NRXN3: variants seen among roughly 807,000 people sequenced by gnomAD.
NRXN3 encodes neurexin 3.
Under a neutral mutation model 137.6 loss-of-function variants are expected in NRXN3, and 32 were observed. The ratio of observed to expected loss-of-function variants is 0.23; its 90% CI spans 0.18 to 0.31. The LOEUF (loss-of-function observed/expected upper bound fraction) is 0.31, where lower values mean the gene tolerates loss of function less well. NRXN3 is among the 10% of genes least tolerant of loss of function. The pLI, the probability that NRXN3 is intolerant of heterozygous loss-of-function variation, is 1.00. For synonymous variants in NRXN3, 798 were observed against 784.5 expected (o/e 1.02, Z -0.29); for missense variants, 1,574 against 2,062.5 (o/e 0.76, Z 4.59).
chr14:78,603,385 G>C (rs114288629), intron 4 of NRXN3, among the ~76,000 whole-genome samples: 1,560 of 152,270 alleles, frequency 0.01, 32 homozygotes, highest in African/African-American at 0.036. Context: ...AGCAGCTGTG[G>C]GGTTCCCAGC....
chr14:79,554,682 G>T (rs2097410776), intron 16 of NRXN3, among the ~76,000 whole-genome samples: 2 of 152,204 alleles, frequency 1.3e-5, no homozygotes, highest in Middle Eastern at 3.4e-3. Context: ...AGTCACACAG[G>T]GTCCCTTGAT....
At chr14:78,514,826 G>A (rs2096176726) in intron 4 of NRXN3, among the ~76,000 whole-genome samples, 1 of 152,124 alleles carries the variant, frequency 6.6e-6, no homozygotes, top group South Asian at 2.1e-4. Context: ...ACTTGGGTTG[G>A]GTGATATTTA....
intron 4 of NRXN3, among the ~76,000 whole-genome samples, chr14:78,440,972 G>C (rs1318220248): frequency 1.4e-4 from 21 of 152,166 alleles, no homozygotes; most frequent in Non-Finnish European, 1.5e-5. Flanking sequence ...GAATGGGCTG[G>C]GGTTGCTTTG....
intron 10 of NRXN3, 29 bp downstream of exon 10, chr14:78,810,373 T>TC (rs765702251): frequency 8.2e-7 from 1 of 1,220,342 alleles, no homozygotes; most frequent in Non-Finnish European, 1.1e-6. Context: ...TTCATTTTGT[T>TC]CTTTAAAAAA....
intron 15 of NRXN3, among the ~76,000 whole-genome samples, chr14:79,387,936 C>A: frequency 8.3e-6 from 1 of 120,860 alleles, no homozygotes; most frequent in Non-Finnish European, 1.6e-5. Context: ...GGGAACATCA[C>A]ACACTGGGGC....
intron 15 of NRXN3, among the ~76,000 whole-genome samples, chr14:79,156,264 G>A (rs1394928764): frequency 6.6e-6 from 1 of 151,856 alleles, no homozygotes; most frequent in Non-Finnish European, 1.5e-5. Context: ...AGTTTGCTGT[G>A]ATCACACAGC....
intron 19 of NRXN3, among the ~76,000 whole-genome samples, chr14:79,795,779 A>G (rs972984513): frequency 2.0e-5 from 3 of 152,076 alleles, no homozygotes; most frequent in Non-Finnish European, 4.4e-5. Context: ...GTTGTATTTT[A>G]TATTCACTTC....
At chr14:78,871,398 G>T (rs546635880) in intron 10 of NRXN3, among the ~76,000 whole-genome samples, 35 of 152,104 alleles carry the variant, frequency 2.3e-4, no homozygotes, top group African/African-American at 8.2e-4. Flanking sequence ...AAGCCAGATT[G>T]TCATCTTTTC....
intron 1 of NRXN3, among the ~76,000 whole-genome samples, chr14:78,219,628 C>T (rs2153422933): frequency 6.6e-6 from 1 of 152,286 alleles, no homozygotes; most frequent in East Asian, 1.9e-4. Context: ...TGGATTTATG[C>T]AAGGATAAGA....
intron 4 of NRXN3, among the ~76,000 whole-genome samples, chr14:78,334,700 C>G (rs533409732): frequency 4.6e-5 from 7 of 151,986 alleles, no homozygotes; most frequent in Non-Finnish European, 7.4e-5. Context: ...GTTTACGTAC[C>G]ACAGTCTGAA....
At chr14:79,083,672 T>C (rs898057872) in intron 15 of NRXN3, among the ~76,000 whole-genome samples, 1 of 152,230 alleles carries the variant, frequency 6.6e-6, no homozygotes. Flanking sequence ...TTGCTGTTGA[T>C]AGATGTTTCT....
intron 4 of NRXN3, among the ~76,000 whole-genome samples, chr14:78,392,025 C>T (rs1486972122): frequency 6.6e-6 from 1 of 151,508 alleles, no homozygotes; most frequent in African/African-American, 2.4e-5. Flanking sequence ...TATGAAGTAA[C>T]CAAGAGAAAG....
intron 4 of NRXN3, among the ~76,000 whole-genome samples, chr14:78,450,406 A>T (rs998355287): frequency 2.0e-5 from 3 of 152,144 alleles, no homozygotes; most frequent in Non-Finnish European, 4.4e-5. Flanking sequence ...ATTGTGTTAA[A>T]TGGGATGGAG....
chr14:78,527,942 A>G (rs1207572727), intron 4 of NRXN3, among the ~76,000 whole-genome samples: 1 of 152,228 alleles, frequency 6.6e-6, no homozygotes, highest in Admixed American at 6.5e-5. Context: ...TTTAAAAAAG[A>G]TGTGCAGTAA....
chr14:78,813,015 A>C (rs578002689), intron 10 of NRXN3, among the ~76,000 whole-genome samples: 2 of 84,308 alleles, frequency 2.4e-5, no homozygotes, highest in South Asian at 5.6e-4. Context: ...AGAGTCACAA[A>C]GTAAATATAA....
intron 16 of NRXN3, among the ~76,000 whole-genome samples, chr14:79,575,153 A>G (rs1358224407): frequency 6.6e-6 from 1 of 152,196 alleles, no homozygotes; most frequent in Admixed American, 6.6e-5. Flanking sequence ...TGGAATTAGT[A>G]TAGGCGGAAA....
intron 10 of NRXN3, among the ~76,000 whole-genome samples, chr14:78,911,558 A>G (rs180855417): frequency 6.6e-6 from 1 of 152,326 alleles, no homozygotes; most frequent in East Asian, 1.9e-4. Context: ...GGGAGTAAAC[A>G]CTTATTAAAA....
At chr14:78,973,949 C>T (rs1001662220) in intron 14 of NRXN3, among the ~76,000 whole-genome samples, 6 of 152,154 alleles carry the variant, frequency 3.9e-5, no homozygotes, top group Admixed American at 6.5e-5. Flanking sequence ...CCAGTACAAG[C>T]GCCTATCTAT....
intron 20 of NRXN3, among the ~76,000 whole-genome samples, chr14:79,809,017 C>T (rs187690717): frequency 4.6e-5 from 7 of 152,144 alleles, no homozygotes; most frequent in East Asian, 1.9e-4. Context: ...CAAGTTTTCA[C>T]GGTATATTTT....
Sources: allele counts gnomAD v4.1 joint callset (sites outside exome capture counted in the v4.1 genomes callset), GRCh38; gene constraint gnomAD v4.1.1; transcripts MANE v1.5; gene names NCBI Gene and HGNC (gene_info 2026-07-23, HGNC 2026-07-21).